The following PAX6 variants were observed in gnomAD, a reference collection of about 807,000 sequenced individuals.
The protein encoded by PAX6 is paired box 6.
Under a neutral mutation model 60.7 loss-of-function variants are expected in PAX6, and 7 were observed. The observed-to-expected ratio is 0.12, with a 90% CI of 0.07 to 0.22. The LOEUF is 0.22. Among genes scored for constraint, PAX6 ranks in the 10% least tolerant of loss-of-function variants. PAX6 has a pLI of 1.00. For synonymous variants in PAX6, 208 were observed against 201.2 expected (o/e 1.03, Z -0.29); for missense variants, 355 against 555.2 (o/e 0.64, Z 3.62).
At chr11:31,799,856 C>A (rs943266262) in intron 8 of PAX6, among the ~76,000 whole-genome samples, 2 of 152,152 alleles carry the variant, frequency 1.3e-5, no homozygotes, top group African/African-American at 2.4e-5. Flanking sequence ...CAACAAATAC[C>A]GATTAATCTT....
chr11:31,806,343 CT>C, intron 4 of PAX6, 58 bp downstream of exon 4: 1 of 1,582,224 alleles, frequency 6.3e-7, no homozygotes, highest in Non-Finnish European at 8.6e-7. Context: ...GTGTCCTCCC[CT>C]GACCCTCGGG....
At chr11:31,807,313 G>A (rs1956051960) in intron 2 of PAX6, 1 of 152,718 alleles carries the variant, frequency 6.5e-6, no homozygotes, top group Non-Finnish European at 1.5e-5. Flanking sequence ...ACCAGGGGAA[G>A]GGAACCTTGG....
At chr11:31,802,581 G>T in intron 5 of PAX6, 123 bp downstream of exon 5, 1 of 1,036,046 alleles carries the variant, frequency 9.7e-7, no homozygotes, top group South Asian at 1.6e-5. Context: ...GGGGGACTGG[G>T]GACTGGGGTG....
At chr11:31,816,277 A>C (rs1957370052), upstream of PAX6, 1 of 369,830 alleles carries the variant, frequency 2.7e-6, no homozygotes, top group Non-Finnish European at 4.8e-6. Context: ...GGGAAATCTG[A>C]ATAGTAATTC....
At position 31,800,774 on chromosome 11, in the gene PAX6, C is replaced by T. The variant is rs1174953477; in HGVS notation, c.482G>A (p.Arg161Lys). ...MGADGMYDKLRMLNGQTGSWG... is the reference protein window; with the variant it reads ...MGADGMYDKLKMLNGQTGSWG... ...GCTTCCGGTCTGCCCGTTCAACATC[C>T]TTAGTTTATCATACATGCCGTCTGC... The change falls in exon 8 of 14, where the codon AGG becomes AAG. Residue 161 changes from arginine to lysine, a missense_variant. This residue lies in a region of PAX6 where 143 missense variants were observed against 183.6 expected (regional missense o/e 0.78). Transcript: ENST00000640368. The T allele has an allele frequency of 6.2e-7, 1 of 1,614,230 alleles. No homozygotes were observed. Among genetic ancestry groups the T allele is most frequent in the East Asian group, 2.2e-5 (1 of 44,884 alleles).
In PAX6 at chr11:31,790,398, G is replaced by A. The variant is rs138376782; in HGVS notation, c.1225+312C>T. The stretch of plus-strand genomic sequence containing the variant: ...GGGCAAGAAGCATTTCAACAAGCAC[G>A]CACCTACAGCTCAGTGGGCCCCCTA... On this transcript the variant is annotated intron_variant, in intron 13 of 13. Transcript: ENST00000640368. 133 of 1,269,414 alleles carry A rather than the reference G, an allele frequency of 1.0e-4. 1 individual carries two copies. The Middle Eastern group carries it at 1.3e-3, about 12-fold the overall frequency. 78.6% of individuals were successfully genotyped at this position (1,269,414 alleles called of 1,614,324 possible).
intron 2 of PAX6, chr11:31,808,760 A>T (rs1221610979): frequency 6.6e-6 from 1 of 152,220 alleles, no homozygotes; most frequent in Non-Finnish European, 1.5e-5. Flanking sequence ...CCCTCTCGCT[A>T]AGAAGCTATC....
upstream of PAX6, among the ~76,000 whole-genome samples, chr11:31,815,936 C>A (rs1421599079): frequency 6.6e-6 from 1 of 152,194 alleles, no homozygotes; most frequent in Non-Finnish European, 1.5e-5. Context: ...CAGCCGAATG[C>A]GGCCGGGGAG....
rs571505590 is a variant in PAX6, at chr11:31,794,610, A to G, written c.724+20T>C. ...ATTTACTTTGATTTACTGCTTCTCT[A>G]CTTTGAAAAACTCTATCACCTTTCT... On this transcript the variant is annotated intron_variant, in intron 9 of 13. Transcript: ENST00000640368. 1.1e-5 allele frequency: 17 copies of G among 1,613,866 alleles called. No individual in the cohort carries two copies. In the South Asian group the frequency reaches 1.3e-4, roughly 13 times the overall value.
At chr11:31,798,418 G>T (rs199622888) in intron 8 of PAX6, among the ~76,000 whole-genome samples, 1 of 147,152 alleles carries the variant, frequency 6.8e-6, no homozygotes. Context: ...TTTGGAGTAT[G>T]GACTCTTTAA....
At chr11:31,816,134 G>A (rs1957364579), upstream of PAX6, 1 of 154,836 alleles carries the variant, frequency 6.5e-6, no homozygotes, top group Non-Finnish European at 1.4e-5. Context: ...CGCGGCCCGC[G>A]GGAAAGTTTG....
At chr11:31,798,814 C>T (rs1004355449) in intron 8 of PAX6, among the ~76,000 whole-genome samples, 1 of 152,232 alleles carries the variant, frequency 6.6e-6, no homozygotes, top group Admixed American at 6.5e-5. Context: ...CTCAGACTGC[C>T]GGCGACGAAA....
chr11:31,802,928 G>A, intron 4 of PAX6, 94 bp from the exon 5 acceptor site: 1 of 1,249,730 alleles, frequency 8.0e-7, no homozygotes, highest in South Asian at 1.3e-5. Flanking sequence ...GAAGATGAGG[G>A]AGAACAAGAA....
intron 4 of PAX6, 160 bp from the exon 5 acceptor site, chr11:31,802,994 CA>C (rs1179525841): frequency 2.6e-6 from 2 of 768,872 alleles, no homozygotes; most frequent in Admixed American, 2.0e-5. Flanking sequence ...GAGACAACCA[CA>C]ATGCATCCTC....
intron 1 of PAX6, chr11:31,816,596 A>T: frequency 1.4e-6 from 1 of 702,560 alleles, no homozygotes; most frequent in Non-Finnish European, 2.6e-6. Flanking sequence ...CTCGCCGCCC[A>T]GCTCCAGGGA....
At chr11:31,799,998 G>C (rs1278359315) in intron 8 of PAX6, among the ~76,000 whole-genome samples, 2 of 110,380 alleles carry the variant, frequency 1.8e-5, no homozygotes, top group African/African-American at 7.0e-5. Context: ...CCTTCTCACA[G>C]AACCTGGGGT....
At chr11:31,801,946 G>T (rs1403594580) in intron 5 of PAX6, 34 bp from the exon 6 acceptor site, 3 of 1,565,198 alleles carry the variant, frequency 1.9e-6, no homozygotes, top group Non-Finnish European at 2.6e-6. Flanking sequence ...AATGGTATGA[G>T]AACTTACTGT....
At chr11:31,792,280 C>T (rs1001267971) in intron 12 of PAX6, 1 of 152,252 alleles carries the variant, frequency 6.6e-6, no homozygotes, top group Non-Finnish European at 1.5e-5. Flanking sequence ...TATAGCAACA[C>T]CAACTAATGG....
rs922769631 is a variant in PAX6, at chr11:31,806,236, C to G, written c.10+166G>C. On this transcript the variant is annotated intron_variant, in intron 4 of 13. Transcript: ENST00000640368. ...AGAAGAGCCAAGCAAACGCCCTCCCCTCCCGGGCTGCCGGGCGCGGAGCGG... is the reference window on the plus strand; with the variant it reads ...AGAAGAGCCAAGCAAACGCCCTCCCGTCCCGGGCTGCCGGGCGCGGAGCGG... 15 of 663,858 alleles carry G rather than the reference C, an allele frequency of 2.3e-5. No individual in the cohort carries two copies. In the Admixed American group the frequency reaches 5.5e-4, roughly 24 times the overall value. The allele number at this position is 663,858 out of a possible 1,614,324, so 41.1% of individuals were successfully genotyped here. A position where few individuals can be genotyped will look rare whatever the true frequency, so the allele number is the denominator to read the frequency against.
Sources: gnomAD v4.1 joint callset for allele counts (sites outside exome capture counted in the v4.1 genomes callset) on GRCh38, gnomAD v4.1.1 for gene constraint, gnomAD v4.1.1 regional missense constraint, MANE v1.5 for transcripts, NCBI Gene and HGNC (gene_info 2026-07-23, HGNC 2026-07-21) for gene names.